Variants in STEAP4 observed in about 807,000 individuals in gnomAD.
STEAP4 encodes the protein metalloreductase STEAP4.
STEAP4 carries 36 observed loss-of-function variants against 43.6 expected under a neutral mutation model. The observed-to-expected ratio is 0.83, with a 90% CI of 0.63 to 1.09. The LOEUF (loss-of-function observed/expected upper bound fraction) is 1.09, where lower values mean the gene tolerates loss of function less well. STEAP4 is among the 50% of genes least tolerant of loss of function. The pLI, the probability that STEAP4 is intolerant of heterozygous loss-of-function variation, is 0.00. For missense variants in STEAP4, 495 were observed against 546.5 expected, an observed-to-expected ratio of 0.91 and a Z score of 0.94; for synonymous variants, 191 against 196.7, an observed-to-expected ratio of 0.97 and a Z score of 0.24.
chr7:88,280,794 T>A (rs1852604842), intron 4 of STEAP4, 121 bp downstream of exon 4: 5 of 1,032,496 alleles, frequency 4.8e-6, no homozygotes, highest in Non-Finnish European at 7.0e-6. Context: ...AGAAATCAAA[T>A]CATTATGGAT....
rs1417623752 is a variant in STEAP4, at chr7:88,272,957, T to G, written c.*6441A>C. On this transcript the variant is annotated 3_prime_UTR_variant, in exon 5 of 5. Coordinates refer to ENST00000380079, the MANE Select transcript of STEAP4 (RefSeq NM_024636.4). Reference sequence around the variant, plus strand: ...AGACTCTATAGAAAATTCCTGCATTTGGTAGCAGATCTCTTCTGCTTTTTT... The same window carrying G: ...AGACTCTATAGAAAATTCCTGCATTGGGTAGCAGATCTCTTCTGCTTTTTT... 6.6e-6 allele frequency: 1 copy of G among 152,218 alleles called. No individual in the cohort carries two copies. Among genetic ancestry groups the G allele is most frequent in the Non-Finnish European group, 1.5e-5 (1 of 68,034 alleles). 9.4% of individuals were successfully genotyped at this position (152,218 alleles called of 1,614,324 possible). A position where few individuals can be genotyped will look rare whatever the true frequency, so the allele number is the denominator to read the frequency against.
chr7:88,280,043 C>T (rs553724214), intron 4 of STEAP4, among the ~76,000 whole-genome samples: 1 of 152,170 alleles, frequency 6.6e-6, no homozygotes, highest in Non-Finnish European at 1.5e-5. Flanking sequence ...AAACCAGATC[C>T]TAGCTCATTT....
rs1306320630 is a variant in STEAP4 at position 88,271,185 on chromosome 7, T to C, written c.*8213A>G. ...TGTAATTTTGTATCTTTTAACAAATTTCTTCCTATCCCCCATTACCTTTTA... is the reference window on the plus strand; with the variant it reads ...TGTAATTTTGTATCTTTTAACAAATCTCTTCCTATCCCCCATTACCTTTTA... On this transcript the variant is annotated 3_prime_UTR_variant, in exon 5 of 5. Transcript: ENST00000380079. The C allele has an allele frequency of 6.6e-6, 1 of 152,176 alleles. No individual in the cohort carries two copies. Among genetic ancestry groups the C allele is most frequent in the Admixed American group, 6.5e-5 (1 of 15,276 alleles). The allele number at this position is 152,176 out of a possible 1,614,324, so 9.4% of individuals were successfully genotyped here. A position where few individuals can be genotyped will look rare whatever the true frequency, so the allele number is the denominator to read the frequency against.
In STEAP4 at chr7:88,278,053, T is replaced by C. The variant is rs1331122136; in HGVS notation, c.*1345A>G. 6.7e-6 allele frequency: 1 copy of C among 149,792 alleles called. No homozygotes were observed. Among genetic ancestry groups the C allele is most frequent in the Non-Finnish European group, 1.5e-5 (1 of 67,580 alleles). 9.3% of individuals were successfully genotyped at this position (149,792 alleles called of 1,614,324 possible). On this transcript the variant is annotated 3_prime_UTR_variant, in exon 5 of 5. Coordinates refer to ENST00000380079, the MANE Select transcript of STEAP4 (RefSeq NM_024636.4). Reference sequence around the variant, plus strand: ...GTATAATGTCATGTATAATATGTTATAATGAAAGTAAAAAAAAAAAAAGGT... The same window carrying C: ...GTATAATGTCATGTATAATATGTTACAATGAAAGTAAAAAAAAAAAAAGGT...
intron 1 of STEAP4, among the ~76,000 whole-genome samples, chr7:88,291,245 A>G (rs1467835284): frequency 1.3e-5 from 2 of 152,066 alleles, no homozygotes; most frequent in African/African-American, 4.8e-5. Flanking sequence ...AACTCTATAT[A>G]AAATGGCGTT....
intron 1 of STEAP4, among the ~76,000 whole-genome samples, chr7:88,290,641 C>T (rs904467004): frequency 4.6e-5 from 7 of 152,150 alleles, no homozygotes; most frequent in Non-Finnish European, 1.0e-4. Context: ...ATCTCCAGAA[C>T]GCTATGCTGA....
At chr7:88,302,668 T>A (rs1563505466) in intron 1 of STEAP4, among the ~76,000 whole-genome samples, 1 of 151,580 alleles carries the variant, frequency 6.6e-6, no homozygotes, top group Non-Finnish European at 1.5e-5. Context: ...TAATATTGGG[T>A]GCTGGCCAGG....
At position 88,273,291 on chromosome 7, in the gene STEAP4, A is replaced by C. The variant is rs959357911; in HGVS notation, c.*6107T>G. 1 of 152,232 alleles carries C rather than the reference A, an allele frequency of 6.6e-6. No homozygotes were observed. Among genetic ancestry groups the C allele is most frequent in the Admixed American group, 6.5e-5 (1 of 15,284 alleles). The allele number at this position is 152,232 out of a possible 1,614,324, so 9.4% of individuals were successfully genotyped here. A position where few individuals can be genotyped will look rare whatever the true frequency, so the allele number is the denominator to read the frequency against. On this transcript the variant is annotated 3_prime_UTR_variant, in exon 5 of 5. Coordinates refer to ENST00000380079, the MANE Select transcript of STEAP4 (RefSeq NM_024636.4). ...CTTAGCATGAAAGAAAGGATTAGTA[A>C]AAATGAAATGAATACACTGGGTGGG...
chr7:88,295,482 C>T (rs186326649), intron 1 of STEAP4, among the ~76,000 whole-genome samples: 2 of 152,116 alleles, frequency 1.3e-5, no homozygotes, highest in African/African-American at 4.8e-5. Flanking sequence ...TAGGGTAGAG[C>T]CTGGGCACTT....
rs890718327 is a variant in STEAP4, at chr7:88,275,805, C to G, written c.*3593G>C. Reference sequence around the variant, plus strand: ...ATATGCATTTATCATTATCATGGCTCTTTTGTGATCCCTGAACAATAGATG... The same window carrying G: ...ATATGCATTTATCATTATCATGGCTGTTTTGTGATCCCTGAACAATAGATG... On this transcript the variant is annotated 3_prime_UTR_variant, in exon 5 of 5. Transcript: ENST00000380079. 1.3e-5 allele frequency: 2 copies of G among 152,144 alleles called. No homozygotes were observed. Among genetic ancestry groups the G allele is most frequent in the African/African-American group, 4.8e-5 (2 of 41,416 alleles). 9.4% of individuals were successfully genotyped at this position (152,144 alleles called of 1,614,324 possible). A position where few individuals can be genotyped will look rare whatever the true frequency, so the allele number is the denominator to read the frequency against.
chr7:88,279,788 T>C (rs1293390353), intron 4 of STEAP4, 160 bp from the exon 5 acceptor site: 1 of 613,308 alleles, frequency 1.6e-6, no homozygotes, highest in African/African-American at 1.8e-5. Flanking sequence ...TAACCCTTCT[T>C]CAGGATGGTA....
At chr7:88,282,151 T>TTTTTTTTTTC (rs1292128989) in intron 3 of STEAP4, 1 of 153,324 alleles carries the variant, frequency 6.5e-6, no homozygotes, top group Non-Finnish European at 1.4e-5. Context: ...TTCTTTCTTT[T>TTTTTTTTTTC]TTTTTTTTTC....
intron 1 of STEAP4, among the ~76,000 whole-genome samples, chr7:88,303,842 C>A (rs1305856643): frequency 6.6e-6 from 1 of 152,136 alleles, no homozygotes; most frequent in Non-Finnish European, 1.5e-5. Flanking sequence ...ATTAATTATT[C>A]TTTAGTTATT....
intron 1 of STEAP4, among the ~76,000 whole-genome samples, chr7:88,306,348 T>A (rs1446236297): frequency 6.6e-6 from 1 of 152,210 alleles, no homozygotes; most frequent in Non-Finnish European, 1.5e-5. Flanking sequence ...AAGAGGAAAT[T>A]TAAATCAAGA....
rs1852512152 is a variant in STEAP4 at position 88,276,285 on chromosome 7, C to A, written c.*3113G>T. 6.6e-6 allele frequency: 1 copy of A among 152,236 alleles called. No individual in the cohort carries two copies. The highest frequency in any genetic ancestry group is 6.5e-5 in the Admixed American group (1 of 15,282). 9.4% of individuals were successfully genotyped at this position (152,236 alleles called of 1,614,324 possible). A position where few individuals can be genotyped will look rare whatever the true frequency, so the allele number is the denominator to read the frequency against. On this transcript the variant is annotated 3_prime_UTR_variant, in exon 5 of 5. Transcript: ENST00000380079. ...GCAGATCTGTTAATGCACTTTCAAACCCATGCACTGCCTTCTCTTTTGCTT... is the reference window on the plus strand; with the variant it reads ...GCAGATCTGTTAATGCACTTTCAAAACCATGCACTGCCTTCTCTTTTGCTT...
At chr7:88,290,657 A>G (rs1183223688) in intron 1 of STEAP4, among the ~76,000 whole-genome samples, 1 of 152,150 alleles carries the variant, frequency 6.6e-6, no homozygotes, top group Non-Finnish European at 1.5e-5. Context: ...GCTGAAACTC[A>G]TTGTGCAACC....
At chr7:88,281,164 A>C (rs1852614489) in intron 3 of STEAP4, 85 bp from the exon 4 acceptor site, 1 of 1,136,540 alleles carries the variant, frequency 8.8e-7, no homozygotes, top group East Asian at 3.0e-5. Flanking sequence ...GTGGGCACAA[A>C]TTATTTGCTC....
chr7:88,305,449 CA>C (rs531519341), intron 1 of STEAP4, among the ~76,000 whole-genome samples: 146 of 152,024 alleles, frequency 9.6e-4, no homozygotes, highest in African/African-American at 3.5e-3. Context: ...TGCCATTTTA[CA>C]AAATTATACC....
intron 1 of STEAP4, among the ~76,000 whole-genome samples, chr7:88,288,413 G>A (rs1483868129): frequency 6.6e-6 from 1 of 152,000 alleles, no homozygotes; most frequent in Admixed American, 6.6e-5. Flanking sequence ...CAGGTGATCC[G>A]CCCACCTCAG....
Sources: allele counts gnomAD v4.1 joint callset (sites outside exome capture counted in the v4.1 genomes callset), GRCh38; gene constraint gnomAD v4.1.1; transcripts MANE v1.5; gene names NCBI Gene and HGNC (gene_info 2026-07-23, HGNC 2026-07-21).